Variants in IL23R observed in about 807,000 individuals in gnomAD.
IL23R encodes interleukin-23 receptor.
A neutral mutation model predicts 56.9 loss-of-function variants in IL23R; 34 were observed. That is an observed-to-expected ratio of 0.60 (90% confidence interval 0.45 to 0.80). The LOEUF is 0.80. Among genes scored for constraint, IL23R ranks in the 30% least tolerant of loss-of-function variants. IL23R has a pLI of 0.00. For missense variants in IL23R, 635 were observed against 730.0 expected (o/e 0.87, Z 1.50); for synonymous variants, 230 against 249.2 (o/e 0.92, Z 0.73).
At chr1:67,190,337 C>A (rs1647647494) in intron 4 of IL23R, among the ~76,000 whole-genome samples, 1 of 151,950 alleles carries the variant, frequency 6.6e-6, no homozygotes, top group African/African-American at 2.4e-5. Context: ...TTCTTCCCAG[C>A]TCCTTTGCGG....
chr1:67,195,479 A>G (rs185664552), intron 4 of IL23R, among the ~76,000 whole-genome samples: 35 of 152,348 alleles, frequency 2.3e-4, no homozygotes, highest in Admixed American at 1.8e-3. Flanking sequence ...ACTGAGCTGT[A>G]TAGAGCTTAA....
chr1:67,161,607 T>C (rs1254380109), upstream of IL23R, among the ~76,000 whole-genome samples: 5 of 113,658 alleles, frequency 4.4e-5, no homozygotes, highest in African/African-American at 1.4e-4. Context: ...AGAATTAAAA[T>C]ACTATATATA....
intron 9 of IL23R, among the ~76,000 whole-genome samples, chr1:67,251,444 T>A (rs538555122): frequency 2.9e-5 from 3 of 101,730 alleles, no homozygotes; most frequent in African/African-American, 1.5e-4. Context: ...AGAGCGAGAC[T>A]CTGTCTCAAA....
intron 1 of IL23R, among the ~76,000 whole-genome samples, chr1:67,159,990 G>A (rs906048752): frequency 6.6e-6 from 1 of 152,044 alleles, no homozygotes; most frequent in Non-Finnish European, 1.5e-5. Flanking sequence ...CTATTCACTA[G>A]TATGTTTTTA....
chr1:67,208,772 AG>A lies in IL23R; in HGVS notation c.798+1718del, dbSNP rs368701167. On this transcript the variant is annotated intron_variant, in intron 6 of 10. Transcript: ENST00000347310. ...ATGTGGGGTCTGAGCCTCCACACAG[AG>A]TCCCTAGTGGGGCATTGCCTAGTGG... Among the ~76,000 whole-genome samples, 366 of 152,292 alleles carry A rather than the reference AG, an allele frequency of 2.4e-3. 2 individuals carry two copies. The highest frequency in any genetic ancestry group is 8.3e-3 in the African/African-American group (345 of 41,568).
At chr1:67,181,837 G>T (rs1055622179) in intron 3 of IL23R, among the ~76,000 whole-genome samples, 3 of 152,204 alleles carry the variant, frequency 2.0e-5, no homozygotes, top group Non-Finnish European at 4.4e-5. Flanking sequence ...CTGTTTGTTA[G>T]TTTTCCTTCT....
chr1:67,190,725 G>A (rs768294203), intron 4 of IL23R, among the ~76,000 whole-genome samples: 11 of 152,172 alleles, frequency 7.2e-5, no homozygotes, highest in Admixed American at 2.0e-4. Context: ...TCATCTCTGT[G>A]CATGACAAGC....
At chr1:67,144,333 T>C (rs890218245) in intron 1 of IL23R, among the ~76,000 whole-genome samples, 1 of 152,234 alleles carries the variant, frequency 6.6e-6, no homozygotes, top group Non-Finnish European at 1.5e-5. Context: ...TTGTCTCTTT[T>C]ATATTGGCAT....
intron 7 of IL23R, among the ~76,000 whole-genome samples, chr1:67,227,430 C>T (rs1357005445): frequency 1.4e-5 from 2 of 147,118 alleles, no homozygotes; most frequent in African/African-American, 2.5e-5. Flanking sequence ...TCATATTACT[C>T]TTTTTTTTTT....
intron 9 of IL23R, among the ~76,000 whole-genome samples, chr1:67,246,827 C>T (rs10889672): frequency 0.37 from 56,032 of 151,938 alleles, 11,561 homozygotes; most frequent in East Asian, 0.72. Context: ...GTCTATAGGT[C>T]CCACTTGGTC....
chr1:67,211,201 A>T (rs1649446275), intron 6 of IL23R, among the ~76,000 whole-genome samples: 1 of 152,228 alleles, frequency 6.6e-6, no homozygotes, highest in African/African-American at 2.4e-5. Context: ...CAGAATTTAG[A>T]TTAAATTTCA....
intron 1 of IL23R, among the ~76,000 whole-genome samples, chr1:67,144,171 C>T (rs998162379): frequency 1.1e-4 from 16 of 152,252 alleles, no homozygotes; most frequent in Admixed American, 2.0e-4. Flanking sequence ...TTTCTTTCAA[C>T]GCTTGGCTTC....
At chr1:67,206,885 T>A in intron 5 of IL23R, 25 bp from the exon 6 acceptor site, 5 of 420,016 alleles carry the variant, frequency 1.2e-5, no homozygotes, top group Non-Finnish European at 1.7e-5. Flanking sequence ...CAGCCAGGTC[T>A]TTTTTTTTTT....
chr1:67,241,071 A>G (rs542511107), intron 9 of IL23R, among the ~76,000 whole-genome samples: 68 of 152,368 alleles, frequency 4.5e-4, no homozygotes, highest in Admixed American at 9.1e-4. Context: ...TTCATCCACA[A>G]GGACTTGAAT....
chr1:67,151,910 T>C (rs1646731739), intron 1 of IL23R, among the ~76,000 whole-genome samples: 1 of 152,218 alleles, frequency 6.6e-6, no homozygotes, highest in African/African-American at 2.4e-5. Context: ...CCTCCAGCTT[T>C]CTTCTTTTTG....
At chr1:67,157,131 G>A (rs12755265) in intron 1 of IL23R, among the ~76,000 whole-genome samples, 74,677 of 151,856 alleles carry the variant, frequency 0.49, 18,819 homozygotes, top group South Asian at 0.63. Flanking sequence ...CGCACCCACT[G>A]CATAACCAGT....
downstream of IL23R, among the ~76,000 whole-genome samples, chr1:67,260,842 C>T (rs999148829): frequency 1.1e-4 from 16 of 151,982 alleles, no homozygotes; most frequent in Non-Finnish European, 1.5e-4. Flanking sequence ...CACTGCAGTG[C>T]GCTATGATCA....
At chr1:67,152,562 A>C (rs1646737857) in intron 1 of IL23R, among the ~76,000 whole-genome samples, 1 of 152,114 alleles carries the variant, frequency 6.6e-6, no homozygotes, top group African/African-American at 2.4e-5. Context: ...GCTTTTACTC[A>C]TTCAGTATGG....
At chr1:67,205,153 G>T (rs1428344137) in intron 5 of IL23R, among the ~76,000 whole-genome samples, 1 of 152,140 alleles carries the variant, frequency 6.6e-6, no homozygotes. Context: ...GATGATAAAG[G>T]TTGAGTACAG....
Sources: allele counts gnomAD v4.1 joint callset (sites outside exome capture counted in the v4.1 genomes callset), GRCh38; gene constraint gnomAD v4.1.1; transcripts MANE v1.5; gene names NCBI Gene and HGNC (gene_info 2026-07-23, HGNC 2026-07-21).